The following AKAP6 variants were observed in gnomAD, a reference collection of about 807,000 sequenced individuals.
AKAP6 encodes A-kinase anchoring protein 6.
Under a neutral mutation model 188.5 loss-of-function variants are expected in AKAP6, and 58 were observed. The ratio of observed to expected loss-of-function variants is 0.31; its 90% confidence interval spans 0.25 to 0.38. The LOEUF is 0.38. AKAP6 is among the 10% of genes least tolerant of loss of function. The probability of loss-of-function intolerance (pLI) is 1.00; values close to 1 mark genes in which losing one functional copy is unlikely to be tolerated. For synonymous variants in AKAP6, 989 were observed against 998.6 expected, an observed-to-expected ratio of 0.99 and a Z score of 0.18; for missense variants, 2,710 against 2,740.0, an observed-to-expected ratio of 0.99 and a Z score of 0.24.
chr14:32,565,539 G>C (rs930336591), intron 4 of AKAP6, among the ~76,000 whole-genome samples: 2 of 152,168 alleles, frequency 1.3e-5, no homozygotes, highest in Admixed American at 1.3e-4. Flanking sequence ...TCTTCAGAGT[G>C]CTATAGCAGC....
chr14:32,675,592 G>C (rs534121385), intron 7 of AKAP6, among the ~76,000 whole-genome samples: 10 of 152,268 alleles, frequency 6.6e-5, no homozygotes, highest in African/African-American at 2.4e-4. Flanking sequence ...CTTAGTAGGA[G>C]GAACTACTTT....
intron 1 of AKAP6, among the ~76,000 whole-genome samples, chr14:32,374,780 T>C (rs1414230991): frequency 6.6e-6 from 1 of 152,248 alleles, no homozygotes; most frequent in African/African-American, 2.4e-5. Context: ...ATCACCTATC[T>C]ATCCCTTTAT....
rs1198521336 is a variant in AKAP6, at chr14:32,535,817, C to T, written c.576+12C>T. The stretch of plus-strand genomic sequence containing the variant: ...AAGAGACAAAAGAGGTGAGTGTTTT[C>T]CTTGAAGTTAAGCAATGCATTTCCA... On this transcript the variant is annotated intron_variant, in intron 3 of 13. Transcript: ENST00000280979. 1.9e-6 allele frequency: 3 copies of T among 1,601,372 alleles called. No individual in the cohort carries two copies. Among genetic ancestry groups the T allele is most frequent in the African/African-American group, 2.7e-5 (2 of 74,710 alleles).
chr14:32,771,605 G>A (rs892285952), intron 11 of AKAP6, among the ~76,000 whole-genome samples: 3 of 152,190 alleles, frequency 2.0e-5, no homozygotes, highest in Non-Finnish European at 2.9e-5. Flanking sequence ...CCTATAAGGT[G>A]AATGAAGTCT....
chr14:32,492,851 T>C (rs1444831845), intron 2 of AKAP6, among the ~76,000 whole-genome samples: 1 of 152,180 alleles, frequency 6.6e-6, no homozygotes, highest in East Asian at 1.9e-4. Context: ...TAAAGGATAT[T>C]CAAATAATTT....
intron 7 of AKAP6, among the ~76,000 whole-genome samples, chr14:32,653,001 T>G (rs1255674148): frequency 6.6e-6 from 1 of 152,090 alleles, no homozygotes; most frequent in Non-Finnish European, 1.5e-5. Flanking sequence ...TGCAGTGAAC[T>G]GTGATTGTGC....
rs1481928703 is a variant in AKAP6, at chr14:32,538,843, A to G, written c.576+3038A>G. Among the ~76,000 whole-genome samples, 3 of 152,288 alleles carry G rather than the reference A, an allele frequency of 2.0e-5. No homozygotes were observed. In the East Asian group the frequency reaches 5.8e-4, roughly 29 times the overall value. On this transcript the variant is annotated intron_variant, in intron 3 of 13. Transcript: ENST00000280979. ...TGCACATCCTGCACATGTACCCCAG[A>G]ACTAAAAATTAAAATTAAATTTAAA...
chr14:32,731,193 G>T (rs890744055), intron 9 of AKAP6, among the ~76,000 whole-genome samples: 18 of 152,144 alleles, frequency 1.2e-4, no homozygotes, highest in Admixed American at 7.9e-4. Flanking sequence ...TGCATGTTTA[G>T]TGTAAATGAA....
chr14:32,620,710 A>G (rs1432292398), intron 7 of AKAP6, among the ~76,000 whole-genome samples: 1 of 151,966 alleles, frequency 6.6e-6, no homozygotes, highest in Non-Finnish European at 1.5e-5. Context: ...CTTCTTTCTC[A>G]ATCTTTTAGA....
chr14:32,361,780 A>G (rs1260756683), intron 1 of AKAP6, among the ~76,000 whole-genome samples: 3 of 152,154 alleles, frequency 2.0e-5, no homozygotes, highest in Admixed American at 1.3e-4. Flanking sequence ...ATTTATTATC[A>G]GTTGATTGCT....
At chr14:32,358,113 G>A (rs1251484315) in intron 1 of AKAP6, among the ~76,000 whole-genome samples, 1 of 152,198 alleles carries the variant, frequency 6.6e-6, no homozygotes, top group Non-Finnish European at 1.5e-5. Flanking sequence ...TTAGGTTGTT[G>A]CTTACCTGGC....
intron 2 of AKAP6, among the ~76,000 whole-genome samples, chr14:32,515,328 A>C (rs1477567162): frequency 1.3e-5 from 2 of 152,274 alleles, no homozygotes; most frequent in East Asian, 3.9e-4. Context: ...GGATTATTAC[A>C]ATTCAAGGTG....
chr14:32,452,806 C>CTAAGTCT (rs1890984710), intron 2 of AKAP6, among the ~76,000 whole-genome samples: 1 of 152,184 alleles, frequency 6.6e-6, no homozygotes, highest in African/African-American at 2.4e-5. Context: ...CTGAAATTCT[C>CTAAGTCT]TAAGTCTCAT....
At chr14:32,379,151 C>G (rs1215294598) in intron 1 of AKAP6, among the ~76,000 whole-genome samples, 5 of 152,210 alleles carry the variant, frequency 3.3e-5, no homozygotes, top group Non-Finnish European at 5.9e-5. Context: ...AAACTCCTGA[C>G]CTCAGGTGAT....
chr14:32,769,296 C>T (rs1235001404), intron 11 of AKAP6, among the ~76,000 whole-genome samples: 3 of 151,838 alleles, frequency 2.0e-5, no homozygotes, highest in Non-Finnish European at 2.9e-5. Context: ...GATCCGCCTG[C>T]CTCCTCCTCC....
chr14:32,726,153 G>A, intron 9 of AKAP6: 1 of 980,400 alleles, frequency 1.0e-6, no homozygotes, highest in Non-Finnish European at 1.2e-6. Flanking sequence ...ACACACCATA[G>A]ACTTTTCATT....
At chr14:32,684,474 G>A (rs1889822698) in intron 8 of AKAP6, among the ~76,000 whole-genome samples, 1 of 152,112 alleles carries the variant, frequency 6.6e-6, no homozygotes, top group East Asian at 1.9e-4. Flanking sequence ...TAGGTAAAAA[G>A]CTCCTGATCC....
chr14:32,353,050 A>G (rs1166278602), intron 1 of AKAP6, among the ~76,000 whole-genome samples: 1 of 126,952 alleles, frequency 7.9e-6, no homozygotes, highest in Non-Finnish European at 1.6e-5. Context: ...CATTCATACC[A>G]GCATTTTTTT....
chr14:32,708,054 G>A (rs1472836226), intron 9 of AKAP6, among the ~76,000 whole-genome samples: 2 of 151,990 alleles, frequency 1.3e-5, no homozygotes, highest in Admixed American at 6.6e-5. Flanking sequence ...GTATTCTCTG[G>A]TGTATTCTTG....
Sources: gnomAD v4.1 joint callset for allele counts (sites outside exome capture counted in the v4.1 genomes callset) on GRCh38, gnomAD v4.1.1 for gene constraint, MANE v1.5 for transcripts, NCBI Gene and HGNC (gene_info 2026-07-23, HGNC 2026-07-21) for gene names.